PLB1: variants seen among roughly 807,000 people sequenced by gnomAD.
PLB1 encodes the protein phospholipase B1, membrane-associated.
Under a neutral mutation model 227.4 loss-of-function variants are expected in PLB1, and 242 were observed. The ratio of observed to expected loss-of-function variants is 1.06; its 90% confidence interval spans 0.96 to 1.18. The LOEUF (loss-of-function observed/expected upper bound fraction) is 1.18, where lower values mean the gene tolerates loss of function less well. Among genes scored for constraint, PLB1 ranks in the 50% most tolerant of loss-of-function variants. The pLI, the probability that PLB1 is intolerant of heterozygous loss-of-function variation, is 0.00. For synonymous variants in PLB1, 757 were observed against 682.2 expected (o/e 1.11, Z -1.71); for missense variants, 1,858 against 1,816.3 (o/e 1.02, Z -0.42).
intron 6 of PLB1, among the ~76,000 whole-genome samples, chr2:28,526,317 C>A (rs1670257568): frequency 6.6e-6 from 1 of 152,032 alleles, no homozygotes; most frequent in South Asian, 2.1e-4. Context: ...GTGGTTCACT[C>A]CTCCCACCCA....
chr2:28,609,029 C>T (rs113112713), intron 43 of PLB1, among the ~76,000 whole-genome samples: 7,307 of 152,236 alleles, frequency 0.048, 568 homozygotes, highest in African/African-American at 0.17. Context: ...CATCCTCCCA[C>T]CTCAGCCTCC....
At chr2:28,576,450 C>T (rs1678954079) in intron 21 of PLB1, among the ~76,000 whole-genome samples, 1 of 152,204 alleles carries the variant, frequency 6.6e-6, no homozygotes, top group Admixed American at 6.5e-5. Context: ...TGAGCTTCAG[C>T]CAGGCACAGT....
chr2:28,500,603 TAAATA>T (rs1030993673), intron 1 of PLB1, among the ~76,000 whole-genome samples: 9 of 152,202 alleles, frequency 5.9e-5, no homozygotes, highest in African/African-American at 1.4e-4. Context: ...TTCCCCCACT[TAAATA>T]AATATTTAAC....
In PLB1 at chr2:28,600,815, T is replaced by C. The variant is rs763633675; in HGVS notation, c.2481T>C (p.Leu827=). The C allele has an allele frequency of 2.5e-6, 4 of 1,613,568 alleles. No homozygotes were observed. The highest frequency in any genetic ancestry group is 3.3e-5 in the Admixed American group (2 of 60,030). The change falls in exon 36 of 58, where the codon CTT becomes CTC. Residue 827 remains leucine (L), a synonymous_variant. Coordinates refer to ENST00000327757, the MANE Select transcript of PLB1 (RefSeq NM_153021.5). ...GGTTTTCTCTCTTTCTCAGGGATCT[T>C]ATGAGCCAAGTCCAAACTCTGATGC... ...QAVPGAKAED[L]MSQVQTLMQK...
At chr2:28,590,743 G>T (rs1214528493) in intron 29 of PLB1, among the ~76,000 whole-genome samples, 1 of 152,094 alleles carries the variant, frequency 6.6e-6, no homozygotes, top group Admixed American at 6.5e-5. Context: ...AGGGGCCCTG[G>T]TCACTGCAGG....
chr2:28,602,671 C>G, intron 38 of PLB1, 150 bp from the exon 39 acceptor site: 1 of 684,302 alleles, frequency 1.5e-6, no homozygotes, highest in South Asian at 1.8e-5. Flanking sequence ...CTGTAAGGCC[C>G]TACGAGGTAG....
chr2:28,554,489 C>CTTTTTTTTTGTTTTTTTTT, intron 17 of PLB1, among the ~76,000 whole-genome samples: 1 of 85,468 alleles, frequency 1.2e-5, no homozygotes, highest in Non-Finnish European at 2.1e-5. Context: ...CCACACCTGC[C>CTTTTTTTTTGTTTTTTTTT]TTTTTTTTTT....
intron 9 of PLB1, among the ~76,000 whole-genome samples, chr2:28,534,868 A>T (rs1009859155): frequency 9.3e-5 from 6 of 64,330 alleles, no homozygotes; most frequent in African/African-American, 2.2e-4. Context: ...GAAAATAAAA[A>T]AAAAAGAAAA....
intron 43 of PLB1, among the ~76,000 whole-genome samples, chr2:28,612,422 C>T (rs986612252): frequency 3.3e-5 from 5 of 152,146 alleles, no homozygotes; most frequent in African/African-American, 1.2e-4. Flanking sequence ...CCCAGTTTGG[C>T]ATTCATCACT....
At chr2:28,549,500 C>T (rs935317007) in intron 15 of PLB1, among the ~76,000 whole-genome samples, 1 of 133,394 alleles carries the variant, frequency 7.5e-6, no homozygotes, top group Non-Finnish European at 1.5e-5. Context: ...ACTGCAACCT[C>T]TGCCTCCCGG....
intron 6 of PLB1, among the ~76,000 whole-genome samples, chr2:28,527,941 A>G (rs1670490134): frequency 1.3e-5 from 2 of 152,196 alleles, no homozygotes; most frequent in Admixed American, 6.5e-5. Flanking sequence ...CCCCTCACCC[A>G]TGCACACATT....
chr2:28,574,339 C>A lies in PLB1; in HGVS notation c.1433+1034C>A, dbSNP rs532762934. On this transcript the variant is annotated intron_variant, in intron 21 of 57. Transcript: ENST00000327757. ...AATATGTAATCTTTAATCCCTCACC[C>A]CCCCCACCCTTCCTCTCTGAGTCCC... is the stretch of plus-strand genomic sequence containing the variant. Among the ~76,000 whole-genome samples, 18 of 40,624 alleles carry A rather than the reference C, an allele frequency of 4.4e-4. No homozygotes were observed. The East Asian group carries it at 5.3e-3, about 12-fold the overall frequency. The allele number at this position is 40,624 out of a possible 152,430, so 26.7% of individuals were successfully genotyped here.
chr2:28,526,800 A>C (rs1572757397), intron 6 of PLB1, among the ~76,000 whole-genome samples: 1 of 152,212 alleles, frequency 6.6e-6, no homozygotes, highest in African/African-American at 2.4e-5. Flanking sequence ...CAGTGAATTG[A>C]AAGGAGGGGC....
intron 44 of PLB1, 81 bp downstream of exon 44, chr2:28,614,177 G>C (rs1033219253): frequency 7.6e-7 from 1 of 1,311,740 alleles, no homozygotes; most frequent in Non-Finnish European, 1.1e-6. Context: ...ACAGGTTTCA[G>C]AGTATTCACT....
intron 33 of PLB1, 92 bp from the exon 34 acceptor site, chr2:28,597,910 TAAG>T: frequency 8.0e-7 from 1 of 1,248,060 alleles, no homozygotes; most frequent in Non-Finnish European, 1.2e-6. Flanking sequence ...CGATGGGCAC[TAAG>T]AAGGGTGGGG....
intron 14 of PLB1, among the ~76,000 whole-genome samples, chr2:28,546,780 A>G (rs1673323669): frequency 6.6e-6 from 1 of 152,036 alleles, no homozygotes; most frequent in Non-Finnish European, 1.5e-5. Context: ...GGGAAAATCT[A>G]TGAATTTTCC....
chr2:28,536,236 G>C (rs1671664041), intron 9 of PLB1, among the ~76,000 whole-genome samples: 1 of 152,224 alleles, frequency 6.6e-6, no homozygotes, highest in Non-Finnish European at 1.5e-5. Flanking sequence ...AAGTCAGAGA[G>C]TCAAGTCAGC....
At chr2:28,573,032 C>T (rs13007288) in intron 20 of PLB1, among the ~76,000 whole-genome samples, 165 bp from the exon 21 acceptor site, 75,824 of 151,894 alleles carry the variant, frequency 0.5, 21,286 homozygotes, top group Non-Finnish European at 0.65. Context: ...TGTCGTTAAG[C>T]GCCATCCTGC....
intron 50 of PLB1, 132 bp from the exon 51 acceptor site, chr2:28,626,296 C>T (rs1381910233): frequency 8.7e-6 from 6 of 690,940 alleles, no homozygotes; most frequent in Non-Finnish European, 1.5e-5. Flanking sequence ...GTGCCTGGCC[C>T]AATTTGCTGC....
Sources: allele counts gnomAD v4.1 joint callset (sites outside exome capture counted in the v4.1 genomes callset), GRCh38; gene constraint gnomAD v4.1.1; transcripts MANE v1.5; gene names NCBI Gene and HGNC (gene_info 2026-07-23, HGNC 2026-07-21).